SNTB2: variants seen among roughly 807,000 people sequenced by gnomAD.
SNTB2 encodes the protein syntrophin beta 2, also known as beta-2-syntrophin.
SNTB2 carries 34 observed loss-of-function variants against 46.2 expected under a neutral mutation model. The observed-to-expected ratio is 0.74, with a 90% CI of 0.56 to 0.98. The LOEUF (loss-of-function observed/expected upper bound fraction) is 0.98, where lower values mean the gene tolerates loss of function less well. Among genes scored for constraint, SNTB2 ranks in the 50% least tolerant of loss-of-function variants. The pLI is 0.00. For synonymous variants in SNTB2, 290 were observed against 312.6 expected (o/e 0.93, Z 0.76); for missense variants, 603 against 731.4 (o/e 0.82, Z 2.02).
rs1211875680 is a variant in SNTB2 at position 69,264,008 on chromosome 16, A to T, written c.1005+3748A>T. ...GAGATGGGGTCTCACTTTGTTACCT[A>T]GGCTGGTCTTGAATTCCTGGGCTCA... On this transcript the variant is annotated intron_variant, in intron 3 of 6. Transcript: ENST00000336278. Among the ~76,000 whole-genome samples the T allele has an allele frequency of 2.0e-5, 3 of 151,698 alleles. No individual in the cohort carries two copies. The East Asian group carries it at 5.8e-4, about 29-fold the overall frequency.
rs564432836 is a variant in SNTB2, at chr16:69,230,747, CT to C, written c.581-14840del. Among the ~76,000 whole-genome samples, 308 of 136,640 alleles carry C rather than the reference CT, an allele frequency of 2.3e-3. 1 individual carries two copies. Among genetic ancestry groups the C allele is most frequent in the Middle Eastern group, 4.1e-3 (1 of 244 alleles). 89.6% of individuals were successfully genotyped at this position (136,640 alleles called of 152,430 possible). A position where few individuals can be genotyped will look rare whatever the true frequency, so the allele number is the denominator to read the frequency against. ...TTATTCCTAACCAACCCGTTTCTTT[CT>C]TTTTTTTTTTTTTTGAGACAGAGTC... On this transcript the variant is annotated intron_variant, in intron 1 of 6. Coordinates refer to ENST00000336278, the MANE Select transcript of SNTB2 (RefSeq NM_006750.4).
intron 1 of SNTB2, among the ~76,000 whole-genome samples, chr16:69,205,730 GCC>G: frequency 6.6e-6 from 1 of 151,892 alleles, no homozygotes; most frequent in East Asian, 1.9e-4. Flanking sequence ...CTCACATATG[GCC>G]CCCTAGTGAT....
chr16:69,251,394 G>A (rs1322761150), intron 2 of SNTB2, among the ~76,000 whole-genome samples: 1 of 148,330 alleles, frequency 6.7e-6, no homozygotes, highest in African/African-American at 2.5e-5. Flanking sequence ...CTGATTTAAA[G>A]GCCTCAGAAA....
At chr16:69,251,468 T>TAAAAAAA (rs71148976) in intron 2 of SNTB2, among the ~76,000 whole-genome samples, 1 of 106,130 alleles carries the variant, frequency 9.4e-6, no homozygotes, top group Non-Finnish European at 1.9e-5. Flanking sequence ...ATGTTTAGTT[T>TAAAAAAA]AAAAAAAAAA....
intron 3 of SNTB2, among the ~76,000 whole-genome samples, chr16:69,264,203 T>C (rs917753805): frequency 3.3e-5 from 5 of 152,168 alleles, no homozygotes; most frequent in African/African-American, 1.2e-4. Context: ...GGACCTGTGA[T>C]GCCAAGGCCA....
intron 1 of SNTB2, among the ~76,000 whole-genome samples, chr16:69,216,744 T>A (rs938449977): frequency 1.6e-4 from 25 of 151,986 alleles, no homozygotes; most frequent in African/African-American, 6.0e-4. Flanking sequence ...ATGTAAGCTC[T>A]GAAGGGATGG....
At position 69,284,029 on chromosome 16, in the gene SNTB2, G is replaced by C. The variant is rs1198981176; in HGVS notation, c.1149-19G>C. The C allele has an allele frequency of 1.9e-6, 3 of 1,581,666 alleles. No individual in the cohort carries two copies. Among genetic ancestry groups the C allele is most frequent in the East Asian group, 2.3e-5 (1 of 44,330 alleles). On this transcript the variant is annotated intron_variant, in intron 4 of 6. Coordinates refer to ENST00000336278, the MANE Select transcript of SNTB2 (RefSeq NM_006750.4). ...GATAATGTAGTTACTTTTGATCTCT[G>C]CTCTGTTTGTGGTCCTAGGTTGGTT...
chr16:69,259,750 C>T (rs563018869), intron 2 of SNTB2, among the ~76,000 whole-genome samples: 2 of 151,822 alleles, frequency 1.3e-5, no homozygotes, highest in Admixed American at 6.6e-5. Context: ...GCTGGGATTA[C>T]AGGCACCCAC....
At chr16:69,284,422 A>G (rs1044339224) in intron 5 of SNTB2, among the ~76,000 whole-genome samples, 178 bp downstream of exon 5, 1 of 149,372 alleles carries the variant, frequency 6.7e-6, no homozygotes, top group Non-Finnish European at 1.5e-5. Flanking sequence ...AGACACACAA[A>G]TGCAGCCTGG....
chr16:69,299,221 C>T lies in SNTB2; in HGVS notation c.1346-369C>T, dbSNP rs539448913. Among the ~76,000 whole-genome samples, 21 of 151,488 alleles carry T rather than the reference C, an allele frequency of 1.4e-4. No individual in the cohort carries two copies. In the South Asian group the frequency reaches 4.2e-3, roughly 30 times the overall value. ...GCAGTGGTGCAATCTTGGCTCACTG[C>T]AACGTCCGCCTCCCGGGTGCAAGCA... On this transcript the variant is annotated intron_variant, in intron 5 of 6. Coordinates refer to ENST00000336278, the MANE Select transcript of SNTB2 (RefSeq NM_006750.4).
Position 69,187,165 on chromosome 16 carries a change from G to C in SNTB2, c.-2G>C, listed in dbSNP as rs758128967. The C allele has an allele frequency of 2.7e-5, 36 of 1,351,554 alleles. No homozygotes were observed. Among genetic ancestry groups the C allele is most frequent in the Non-Finnish European group, 3.4e-5 (36 of 1,048,890 alleles). The allele number at this position is 1,351,554 out of a possible 1,614,324, so 83.7% of individuals were successfully genotyped here. A position where few individuals can be genotyped will look rare whatever the true frequency, so the allele number is the denominator to read the frequency against. On this transcript the variant is annotated 5_prime_UTR_variant, in exon 1 of 7. Transcript: ENST00000336278. ...GGGAAGCGCCGAGGCTGCCTGACTG[G>C]AATGAGGGTAGCTGCGGCGACTGCG...
In SNTB2 at chr16:69,217,187, C is replaced by A. The variant is rs553771803; in HGVS notation, c.581-28415C>A. Among the ~76,000 whole-genome samples, 4 of 152,214 alleles carry A rather than the reference C, an allele frequency of 2.6e-5. No homozygotes were observed. The South Asian group carries it at 8.3e-4, about 32-fold the overall frequency. ...GGCATATGTTTGGCCTTTCTTTTTC[C>A]TTTTTTCCCATTTTTAAAACATGAA... On this transcript the variant is annotated intron_variant, in intron 1 of 6. Transcript: ENST00000336278.
chr16:69,247,107 T>C (rs1331804911), intron 2 of SNTB2, among the ~76,000 whole-genome samples: 1 of 151,184 alleles, frequency 6.6e-6, no homozygotes, highest in African/African-American at 2.4e-5. Flanking sequence ...GATAAATTTT[T>C]AAATATCTCC....
intron 1 of SNTB2, among the ~76,000 whole-genome samples, chr16:69,188,142 A>T (rs955202902): frequency 8.5e-5 from 11 of 129,186 alleles, no homozygotes; most frequent in Non-Finnish European, 1.6e-4. Context: ...CGGGTCTATT[A>T]AAAAAAAAAA....
intron 1 of SNTB2, among the ~76,000 whole-genome samples, chr16:69,241,616 G>C (rs1370378631): frequency 6.7e-6 from 1 of 150,248 alleles, no homozygotes; most frequent in South Asian, 2.1e-4. Context: ...GTGAAACCCC[G>C]TCTCTACTAA....
chr16:69,236,194 GAA>G (rs1177082822), intron 1 of SNTB2, among the ~76,000 whole-genome samples: 7 of 152,308 alleles, frequency 4.6e-5, no homozygotes, highest in African/African-American at 1.7e-4. Flanking sequence ...GGACAGAAGA[GAA>G]GAGATGGTTG....
chr16:69,247,659 A>G (rs1370481625), intron 2 of SNTB2, among the ~76,000 whole-genome samples: 3 of 152,196 alleles, frequency 2.0e-5, no homozygotes, highest in Non-Finnish European at 2.9e-5. Flanking sequence ...TGCTCAAAGT[A>G]GGGTTCTGAG....
intron 4 of SNTB2, among the ~76,000 whole-genome samples, chr16:69,273,805 C>T (rs868566519): frequency 6.6e-6 from 1 of 152,022 alleles, no homozygotes; most frequent in Non-Finnish European, 1.5e-5. Context: ...ACTAAGTAAG[C>T]GATAGCATGC....
chr16:69,248,608 G>T (rs1407685111), intron 2 of SNTB2, among the ~76,000 whole-genome samples: 1 of 152,010 alleles, frequency 6.6e-6, no homozygotes, highest in Non-Finnish European at 1.5e-5. Context: ...CTCCAGTCTG[G>T]GTGACAGAAC....
Sources: gnomAD v4.1 joint callset for allele counts (sites outside exome capture counted in the v4.1 genomes callset) on GRCh38, gnomAD v4.1.1 for gene constraint, MANE v1.5 for transcripts, NCBI Gene and HGNC (gene_info 2026-07-23, HGNC 2026-07-21) for gene names.